EGFR: variants seen among roughly 807,000 people sequenced by gnomAD.
EGFR encodes the protein epidermal growth factor receptor.
In EGFR, 58 loss-of-function variants were observed where a neutral mutation model predicts 143.0. The ratio of observed to expected loss-of-function variants is 0.41; its 90% confidence interval spans 0.33 to 0.50. The LOEUF (loss-of-function observed/expected upper bound fraction) is 0.50. Ranked by LOEUF, EGFR falls within the 20% of genes least tolerant of loss-of-function variation. EGFR has a pLI of 0.39. For missense variants in EGFR, 1,307 were observed against 1,579.0 expected, an observed-to-expected ratio of 0.83 and a Z score of 2.92; for synonymous variants, 613 against 594.4, an observed-to-expected ratio of 1.03 and a Z score of -0.45.
intron 6 of EGFR, among the ~76,000 whole-genome samples, chr7:55,153,286 C>T (rs995164579): frequency 3.3e-5 from 5 of 152,260 alleles, no homozygotes; most frequent in Admixed American, 6.5e-5. Flanking sequence ...GCTGCCCCAG[C>T]GGGCTCTGAG....
intron 1 of EGFR, among the ~76,000 whole-genome samples, chr7:55,140,800 G>A (rs542895260): frequency 6.6e-6 from 1 of 152,338 alleles, no homozygotes; most frequent in South Asian, 2.1e-4. Flanking sequence ...CATTATCACT[G>A]AAATTGAATG....
Position 55,136,347 on chromosome 7 carries a change from C to T in EGFR, c.89-5939C>T, listed in dbSNP as rs1372605758. ...GCTAGAAATATTTTATAATGACCAA[C>T]CAGAAAGTGGCAAGGACTGTCACTC... On this transcript the variant is annotated intron_variant, in intron 1 of 27. Transcript: ENST00000275493. Among the ~76,000 whole-genome samples, 4 of 152,148 alleles carry T rather than the reference C, an allele frequency of 2.6e-5. No individual in the cohort carries two copies. In the East Asian group the frequency reaches 7.7e-4, roughly 29 times the overall value.
chr7:55,093,429 G>A (rs1177201240), intron 1 of EGFR, among the ~76,000 whole-genome samples: 4 of 152,174 alleles, frequency 2.6e-5, no homozygotes, highest in Non-Finnish European at 5.9e-5. Context: ...AATCAGTATC[G>A]TAGAGTGAGC....
Position 55,075,775 on chromosome 7 carries a change from A to AT in EGFR, c.88+56419dup, listed in dbSNP as rs556986910. Among the ~76,000 whole-genome samples the AT allele has an allele frequency of 4.6e-4, 69 of 151,160 alleles. No homozygotes were observed. In the South Asian group the frequency reaches 0.011, roughly 24 times the overall value. On this transcript the variant is annotated intron_variant, in intron 1 of 27. Coordinates refer to ENST00000275493, the MANE Select transcript of EGFR (RefSeq NM_005228.5). ...GTGTACTCTGGGATTGGAACTCTTTATTTTTTTTTCAGTTGATTTGTAAAT... is the reference window on the plus strand; with the variant it reads ...GTGTACTCTGGGATTGGAACTCTTTATTTTTTTTTTCAGTTGATTTGTAAAT...
chr7:55,044,258 G>T (rs1164238328), intron 1 of EGFR, among the ~76,000 whole-genome samples: 1 of 152,258 alleles, frequency 6.6e-6, no homozygotes, highest in Non-Finnish European at 1.5e-5. Context: ...AGAGAAGGCA[G>T]CTGCTCCAGT....
At chr7:55,101,694 T>A (rs1057306952) in intron 1 of EGFR, among the ~76,000 whole-genome samples, 4 of 152,222 alleles carry the variant, frequency 2.6e-5, no homozygotes, top group African/African-American at 9.7e-5. Context: ...GAGTAACAAG[T>A]CTGTCTGTAC....
At chr7:55,042,601 G>A (rs1787957493) in intron 1 of EGFR, among the ~76,000 whole-genome samples, 1 of 152,088 alleles carries the variant, frequency 6.6e-6, no homozygotes, top group African/African-American at 2.4e-5. Context: ...GGGGGTTAAT[G>A]CAGGTCACTC....
chr7:55,160,962 A>G (rs922630594), intron 12 of EGFR, among the ~76,000 whole-genome samples: 3 of 152,190 alleles, frequency 2.0e-5, no homozygotes, highest in African/African-American at 4.8e-5. Flanking sequence ...AAACCCTTCC[A>G]TGGTGCCTAG....
In EGFR at chr7:55,160,029, A is replaced by G. The variant is rs189937935; in HGVS notation, c.1299-110A>G. On this transcript the variant is annotated intron_variant, in intron 11 of 27. Coordinates refer to ENST00000275493, the MANE Select transcript of EGFR (RefSeq NM_005228.5). ...GCCTCCCACAGCATGACCTACCATCATTGGAAAGCAGTTTGTAGTCAATCA... is the reference window on the plus strand; with the variant it reads ...GCCTCCCACAGCATGACCTACCATCGTTGGAAAGCAGTTTGTAGTCAATCA... 4,677 of 1,182,006 alleles carry G rather than the reference A, an allele frequency of 4.0e-3. 20 individuals carry two copies. The highest frequency in any genetic ancestry group is 5.3e-3 in the Non-Finnish European group (4,283 of 815,748). The allele number at this position is 1,182,006 out of a possible 1,614,324, so 73.2% of individuals were successfully genotyped here.
At position 55,146,712 on chromosome 7, in the gene EGFR, G is replaced by C. The variant is rs17336437; in HGVS notation, c.531G>C (p.Ser177=). ...GCAGTGACTTTCTCAGCAACATGTC[G>C]ATGGACTTCCAGAACCACCTGGGCA... The part of the protein sequence containing the change: ...IVSSDFLSNM[S]MDFQNHLGSC... The change falls in exon 4 of 28, where the codon TCG becomes TCC. Residue 177 remains serine, a synonymous_variant. Transcript: ENST00000275493. 2 of 1,614,022 alleles carry C rather than the reference G, an allele frequency of 1.2e-6. No individual in the cohort carries two copies. Among genetic ancestry groups the C allele is most frequent in the Non-Finnish European group, 1.7e-6 (2 of 1,180,044 alleles).
intron 1 of EGFR, among the ~76,000 whole-genome samples, chr7:55,059,373 C>G (rs539669886): frequency 1.3e-5 from 2 of 152,290 alleles, no homozygotes; most frequent in South Asian, 4.1e-4. Context: ...AGCACGGCCC[C>G]TGTTTCTTTC....
chr7:55,109,018 A>C (rs1792304407), intron 1 of EGFR, among the ~76,000 whole-genome samples: 1 of 152,194 alleles, frequency 6.6e-6, no homozygotes, highest in Non-Finnish European at 1.5e-5. Flanking sequence ...TTGCTCAGTG[A>C]GACTGCAATA....
chr7:55,029,248 A>G (rs746906469), intron 1 of EGFR, among the ~76,000 whole-genome samples: 5 of 152,252 alleles, frequency 3.3e-5, no homozygotes, highest in Non-Finnish European at 7.3e-5. Flanking sequence ...AATAGAGTGC[A>G]CTATAGAACT....
chr7:55,192,930 C>A (rs1011402240), intron 22 of EGFR, 89 bp downstream of exon 22: 5 of 1,136,606 alleles, frequency 4.4e-6, no homozygotes, highest in Admixed American at 1.7e-5. Flanking sequence ...CTCTGACATG[C>A]AAGTATTTTC....
intron 1 of EGFR, among the ~76,000 whole-genome samples, chr7:55,053,925 C>T (rs1788637622): frequency 6.6e-6 from 1 of 152,242 alleles, no homozygotes; most frequent in African/African-American, 2.4e-5. Context: ...ACCCGATTGT[C>T]AGGAGACAGT....
At chr7:55,109,967 G>A (rs1792373596) in intron 1 of EGFR, 1 of 985,134 alleles carries the variant, frequency 1.0e-6, no homozygotes, top group Non-Finnish European at 1.2e-6. Context: ...AAGTAAGAAA[G>A]TACATGAGGA....
chr7:55,080,676 A>G (rs534066250), intron 1 of EGFR, among the ~76,000 whole-genome samples: 76 of 152,288 alleles, frequency 5.0e-4, no homozygotes, highest in African/African-American at 1.7e-3. Context: ...AATTGCTAAG[A>G]GAGTAGATTT....
chr7:55,021,554 A>C (rs1384818274), intron 1 of EGFR, among the ~76,000 whole-genome samples: 1 of 152,260 alleles, frequency 6.6e-6, no homozygotes, highest in Non-Finnish European at 1.5e-5. Context: ...GTAGGAGAAC[A>C]GACGCTATTC....
chr7:55,022,558 A>C (rs1786635404), intron 1 of EGFR, among the ~76,000 whole-genome samples: 1 of 152,158 alleles, frequency 6.6e-6, no homozygotes, highest in African/African-American at 2.4e-5. Flanking sequence ...AATTCAGTGA[A>C]TATTTACTGA....
Sources: gnomAD v4.1 joint callset for allele counts (sites outside exome capture counted in the v4.1 genomes callset) on GRCh38, gnomAD v4.1.1 for gene constraint, MANE v1.5 for transcripts, NCBI Gene and HGNC (gene_info 2026-07-23, HGNC 2026-07-21) for gene names.